CHL1: variants seen among roughly 807,000 people sequenced by gnomAD.
The protein encoded by CHL1 is neural cell adhesion molecule L1-like protein.
In CHL1, 96 loss-of-function variants were observed where a neutral mutation model predicts 141.9. That is an observed-to-expected ratio of 0.68 (90% confidence interval 0.57 to 0.80). CHL1 has a LOEUF of 0.80. Ranked by LOEUF, CHL1 falls within the 30% of genes least tolerant of loss-of-function variation. The pLI is 0.00. For missense variants in CHL1, 1,820 were observed against 1,457.2 expected (o/e 1.25, Z -4.05); for synonymous variants, 613 against 502.2 (o/e 1.22, Z -2.95).
chr3:265,077 A>T (rs1383125516), intron 2 of CHL1, among the ~76,000 whole-genome samples: 1 of 152,220 alleles, frequency 6.6e-6, no homozygotes, highest in Non-Finnish European at 1.5e-5. Context: ...ACCATTTACT[A>T]GGCTTATTGG....
chr3:344,466 AACACAC>A (rs56787746), intron 8 of CHL1, 117 bp from the exon 9 acceptor site: 11,444 of 547,922 alleles, frequency 0.021, 56 homozygotes, highest in African/African-American at 0.05. Flanking sequence ...ATGTGTATAG[AACACAC>A]ACACACACAC....
intron 24 of CHL1, among the ~76,000 whole-genome samples, chr3:395,383 T>C (rs1489641799): frequency 1.3e-5 from 2 of 152,232 alleles, no homozygotes; most frequent in South Asian, 2.1e-4. Context: ...CTTATAAATG[T>C]ATGGTTTCAC....
intron 9 of CHL1, among the ~76,000 whole-genome samples, chr3:344,973 A>C (rs1174107187): frequency 6.6e-6 from 1 of 152,158 alleles, no homozygotes; most frequent in Non-Finnish European, 1.5e-5. Flanking sequence ...TGGATGACAG[A>C]GAAAGACCTC....
intron 22 of CHL1, 34 bp downstream of exon 22, chr3:391,193 A>G: frequency 2.0e-6 from 3 of 1,502,928 alleles, no homozygotes; most frequent in East Asian, 2.3e-5. Context: ...CATGTCAAAA[A>G]TGGAGGTGAT....
At position 219,974 on chromosome 3, in the gene CHL1, T is replaced by C. The variant is rs116084974; in HGVS notation, c.-175+22911T>C. On this transcript the variant is annotated intron_variant, in intron 1 of 27. Transcript: ENST00000256509. ...GTGAAACAATTGTTCATCTACATCATTGAATAATACTTAGTATCTAAAAGG... is the reference window on the plus strand; with the variant it reads ...GTGAAACAATTGTTCATCTACATCACTGAATAATACTTAGTATCTAAAAGG... Among the ~76,000 whole-genome samples the C allele has an allele frequency of 3.0e-3, 454 of 152,330 alleles. 2 individuals carry two copies. Among genetic ancestry groups the C allele is most frequent in the African/African-American group, 0.011 (440 of 41,572 alleles).
intron 1 of CHL1, among the ~76,000 whole-genome samples, chr3:230,725 T>C (rs1701782326): frequency 6.6e-6 from 1 of 152,196 alleles, no homozygotes; most frequent in Non-Finnish European, 1.5e-5. Flanking sequence ...AAAATCATTT[T>C]TGTATTGTGG....
At chr3:316,381 G>C (rs942256388) in intron 2 of CHL1, among the ~76,000 whole-genome samples, 6 of 151,616 alleles carry the variant, frequency 4.0e-5, no homozygotes, top group Admixed American at 1.3e-4. Context: ...GTATTATGTT[G>C]GTGCAAAAGT....
chr3:256,925 G>C (rs1420003485), intron 2 of CHL1, among the ~76,000 whole-genome samples: 3 of 152,218 alleles, frequency 2.0e-5, no homozygotes, highest in African/African-American at 7.2e-5. Context: ...ACGAGTCTGT[G>C]TATTTCTGTG....
At chr3:336,452 A>T (rs1245487599) in intron 5 of CHL1, among the ~76,000 whole-genome samples, 1 of 152,106 alleles carries the variant, frequency 6.6e-6, no homozygotes, top group Non-Finnish European at 1.5e-5. Flanking sequence ...ACTACTCTTC[A>T]CTATTAAACA....
chr3:383,990 A>G lies in CHL1; in HGVS notation c.2247+104A>G, dbSNP rs1707369087. Reference sequence around the variant, plus strand: ...GCACAACATTTTTTTAAGAACAAAGATAAGATTTGGAAATGAAATTAACTT... The same window carrying G: ...GCACAACATTTTTTTAAGAACAAAGGTAAGATTTGGAAATGAAATTAACTT... On this transcript the variant is annotated intron_variant, in intron 19 of 27. Coordinates refer to ENST00000256509, the MANE Select transcript of CHL1 (RefSeq NM_006614.4). The G allele has an allele frequency of 2.5e-5, 18 of 710,686 alleles. No homozygotes were observed. The South Asian group carries it at 3.3e-4, about 13-fold the overall frequency. 44.0% of individuals were successfully genotyped at this position (710,686 alleles called of 1,614,324 possible).
chr3:260,442 T>C (rs531600762), intron 2 of CHL1, among the ~76,000 whole-genome samples: 1 of 152,174 alleles, frequency 6.6e-6, no homozygotes, highest in South Asian at 2.1e-4. Context: ...ACATAAAATT[T>C]GCTATAATGT....
chr3:340,659 A>C lies in CHL1; in HGVS notation c.386-135A>C, dbSNP rs1020545904. On this transcript the variant is annotated intron_variant, in intron 5 of 27. Coordinates refer to ENST00000256509, the MANE Select transcript of CHL1 (RefSeq NM_006614.4). ...AATAGTATTTAACTCTGAAGGGGAG[A>C]TGTAAGAACCAGGATCTGTAGCATA... The C allele has an allele frequency of 2.6e-5, 18 of 685,640 alleles. No homozygotes were observed. The Admixed American group carries it at 3.0e-4, about 11-fold the overall frequency. 42.5% of individuals were successfully genotyped at this position (685,640 alleles called of 1,614,324 possible).
At chr3:212,746 C>T (rs1421257315) in intron 1 of CHL1, among the ~76,000 whole-genome samples, 1 of 152,202 alleles carries the variant, frequency 6.6e-6, no homozygotes, top group Non-Finnish European at 1.5e-5. Flanking sequence ...TTTGACTCAA[C>T]AGCTCACTGC....
chr3:378,445 GT>G (rs1314899818), intron 16 of CHL1, among the ~76,000 whole-genome samples: 1 of 152,170 alleles, frequency 6.6e-6, no homozygotes, highest in African/African-American at 2.4e-5. Context: ...CGTTGTTGTT[GT>G]TGATGAAAGT....
intron 19 of CHL1, 71 bp downstream of exon 19, chr3:383,957 C>A: frequency 3.2e-6 from 3 of 933,692 alleles, no homozygotes; most frequent in Non-Finnish European, 5.0e-6. Flanking sequence ...ATGCTAACTA[C>A]AATGATAGCA....
At chr3:228,639 G>A (rs1383817000) in intron 1 of CHL1, among the ~76,000 whole-genome samples, 1 of 152,176 alleles carries the variant, frequency 6.6e-6, no homozygotes, top group African/African-American at 2.4e-5. Flanking sequence ...ATGGTATAGA[G>A]TGTGTTATCG....
intron 2 of CHL1, among the ~76,000 whole-genome samples, chr3:279,835 T>C (rs1039802721): frequency 6.6e-6 from 1 of 152,178 alleles, no homozygotes. Context: ...TTAGACTTGA[T>C]TAATAAATGC....
intron 19 of CHL1, among the ~76,000 whole-genome samples, chr3:386,561 A>G (rs1318727151): frequency 2.0e-5 from 3 of 152,192 alleles, no homozygotes; most frequent in African/African-American, 7.2e-5. Flanking sequence ...GAGAGTTTCC[A>G]TTGTTCTTAA....
chr3:255,595 C>T (rs940243709), intron 2 of CHL1, among the ~76,000 whole-genome samples: 5 of 152,064 alleles, frequency 3.3e-5, no homozygotes, highest in African/African-American at 1.2e-4. Context: ...CTATTTTGGG[C>T]AAGTATCTGT....
Sources: gnomAD v4.1 joint callset for allele counts (sites outside exome capture counted in the v4.1 genomes callset) on GRCh38, gnomAD v4.1.1 for gene constraint, MANE v1.5 for transcripts, NCBI Gene and HGNC (gene_info 2026-07-23, HGNC 2026-07-21) for gene names.